The following PXDN variants were observed in gnomAD, a reference collection of about 807,000 sequenced individuals.
PXDN encodes the protein peroxidasin.
PXDN carries 77 observed loss-of-function variants against 140.3 expected under a neutral mutation model. The ratio of observed to expected loss-of-function variants is 0.55; its 90% confidence interval spans 0.46 to 0.66. PXDN has a LOEUF of 0.66. Ranked by LOEUF, PXDN falls within the 30% of genes least tolerant of loss-of-function variation. The pLI is 0.00. For synonymous variants in PXDN, 911 were observed against 857.4 expected, an observed-to-expected ratio of 1.06 and a Z score of -1.09; for missense variants, 1,838 against 2,039.5, an observed-to-expected ratio of 0.90 and a Z score of 1.90.
At chr2:1,722,251 A>C (rs185458939) in intron 1 of PXDN, among the ~76,000 whole-genome samples, 17 of 152,184 alleles carry the variant, frequency 1.1e-4, no homozygotes, top group Non-Finnish European at 2.2e-4. Flanking sequence ...TCTTCACTTT[A>C]CCTCAGGTTA....
At chr2:1,733,092 G>C (rs914359628) in intron 1 of PXDN, among the ~76,000 whole-genome samples, 3 of 152,140 alleles carry the variant, frequency 2.0e-5, no homozygotes, top group Admixed American at 6.5e-5. Flanking sequence ...ATGGATGAGA[G>C]AGCTGTGGCC....
chr2:1,682,736 T>TC (rs1199216387), intron 6 of PXDN, among the ~76,000 whole-genome samples: 2 of 152,138 alleles, frequency 1.3e-5, no homozygotes. Flanking sequence ...GGTCAGGAGT[T>TC]CAAGACCAGC....
intron 1 of PXDN, among the ~76,000 whole-genome samples, chr2:1,711,456 C>G (rs1684775498): frequency 8.3e-6 from 1 of 120,320 alleles, no homozygotes; most frequent in African/African-American, 4.0e-5. Context: ...CCAGCACCCA[C>G]TCTCCACCAG....
intron 22 of PXDN, among the ~76,000 whole-genome samples, chr2:1,634,711 G>T (rs1480987248): frequency 1.3e-5 from 2 of 152,158 alleles, no homozygotes; most frequent in East Asian, 1.9e-4. Context: ...CTAGAGAGAG[G>T]GGGGAAGGGA....
chr2:1,671,942 G>A (rs573487025), intron 9 of PXDN: 1 of 152,226 alleles, frequency 6.6e-6, no homozygotes, highest in Non-Finnish European at 1.5e-5. Flanking sequence ...AATGACGCCT[G>A]AATTTCCTCT....
chr2:1,740,634 C>T (rs1251919633), intron 1 of PXDN, among the ~76,000 whole-genome samples: 1 of 152,064 alleles, frequency 6.6e-6, no homozygotes, highest in Non-Finnish European at 1.5e-5. Context: ...GCCCTTTCCC[C>T]ATACCCCGTC....
chr2:1,681,074 T>C (rs987926543), intron 6 of PXDN, among the ~76,000 whole-genome samples: 3 of 151,912 alleles, frequency 2.0e-5, no homozygotes, highest in Non-Finnish European at 4.4e-5. Context: ...AGGGCAAGGG[T>C]TGGAAGAGGC....
chr2:1,677,906 A>G (rs924394797), intron 7 of PXDN, among the ~76,000 whole-genome samples: 1 of 152,204 alleles, frequency 6.6e-6, no homozygotes, highest in Non-Finnish European at 1.5e-5. Flanking sequence ...AGTGGGGCGG[A>G]CACAAGCACG....
At chr2:1,702,404 AAGG>A (rs1417562015) in intron 1 of PXDN, among the ~76,000 whole-genome samples, 2 of 152,184 alleles carry the variant, frequency 1.3e-5, no homozygotes, top group Admixed American at 1.3e-4. Context: ...TGGACGGGGC[AAGG>A]AGCTGCTCTA....
In PXDN at chr2:1,714,239, T is replaced by C. The variant is rs1339147006; in HGVS notation, c.201-21105A>G. 1.3e-5 allele frequency among the ~76,000 whole-genome samples: 2 copies of C among 152,178 alleles called. No homozygotes were observed. The highest frequency in any genetic ancestry group is 2.9e-5 in the Non-Finnish European group (2 of 68,032). On this transcript the variant is annotated intron_variant, in intron 1 of 22. Coordinates refer to ENST00000252804, the MANE Select transcript of PXDN (RefSeq NM_012293.3). The surrounding 1 kb of genome is among the most constrained non-coding windows in gnomAD (Gnocchi z 4.3). The stretch of plus-strand genomic sequence containing the variant: ...TTACACGTCACACCCGCAGCACCCT[T>C]GCGTAGGTAGTTGAGGGGTCAACCC...
At chr2:1,646,781 A>G (rs1238108369) in intron 17 of PXDN, among the ~76,000 whole-genome samples, 1 of 152,192 alleles carries the variant, frequency 6.6e-6, no homozygotes, top group Non-Finnish European at 1.5e-5. Context: ...TTTTTAAAAC[A>G]ATGTTTTTGA....
chr2:1,723,496 A>G (rs1320822599), intron 1 of PXDN, among the ~76,000 whole-genome samples: 1 of 152,174 alleles, frequency 6.6e-6, no homozygotes, highest in Non-Finnish European at 1.5e-5. Context: ...AGATGGATGA[A>G]TGAGTAAATT....
chr2:1,717,984 C>G (rs927572965), intron 1 of PXDN, among the ~76,000 whole-genome samples: 2 of 151,282 alleles, frequency 1.3e-5, no homozygotes, highest in African/African-American at 4.9e-5. Flanking sequence ...AGCTATTCGA[C>G]TAACCAACTA....
chr2:1,697,369 A>T (rs1268616918), intron 1 of PXDN, among the ~76,000 whole-genome samples: 1 of 152,200 alleles, frequency 6.6e-6, no homozygotes, highest in Non-Finnish European at 1.5e-5. Context: ...GTCATCATTG[A>T]CATAAAGCTT....
chr2:1,684,300 T>C, intron 4 of PXDN, 149 bp from the exon 5 acceptor site: 1 of 661,602 alleles, frequency 1.5e-6, no homozygotes, highest in Non-Finnish European at 2.6e-6. Context: ...GAACAATACA[T>C]AAAATTATCA....
chr2:1,678,736 G>A (rs1031582092), intron 7 of PXDN, among the ~76,000 whole-genome samples: 3 of 152,334 alleles, frequency 2.0e-5, no homozygotes, highest in Admixed American at 6.5e-5. Context: ...CCTCCCTTCA[G>A]GGACGCAGGT....
rs1474746596 is a variant in PXDN, at chr2:1,685,268, T to C, written c.417-1117A>G. On this transcript the variant is annotated intron_variant, in intron 4 of 22. Transcript: ENST00000252804. This position sits in a 1 kb window ranked among gnomAD's most constrained non-coding sequence, Gnocchi z 5.1. ...CCCGGGACAGGTCTGTGCTCAGCAC[T>C]CCGCGCACGAATGGGAAACGTGAGG... is the stretch of plus-strand genomic sequence containing the variant. Among the ~76,000 whole-genome samples, 1 of 152,130 alleles carries C rather than the reference T, an allele frequency of 6.6e-6. No individual in the cohort carries two copies. The highest frequency in any genetic ancestry group is 1.5e-5 in the Non-Finnish European group (1 of 68,018).
chr2:1,739,290 G>A (rs1304977808), intron 1 of PXDN, among the ~76,000 whole-genome samples: 1 of 152,114 alleles, frequency 6.6e-6, no homozygotes, highest in Non-Finnish European at 1.5e-5. Flanking sequence ...TCAGCAACTA[G>A]GGAAACTGAG....
At chr2:1,732,152 C>A (rs529540468) in intron 1 of PXDN, among the ~76,000 whole-genome samples, 1 of 152,286 alleles carries the variant, frequency 6.6e-6, no homozygotes, top group East Asian at 1.9e-4. Flanking sequence ...CAACAAAGCA[C>A]TGATCCGTGT....
Sources: allele counts gnomAD v4.1 joint callset (sites outside exome capture counted in the v4.1 genomes callset), GRCh38; gene constraint gnomAD v4.1.1; non-coding constraint Gnocchi (gnomAD v3.1); transcripts MANE v1.5; gene names NCBI Gene and HGNC (gene_info 2026-07-23, HGNC 2026-07-21).